Variants in NAV2 observed in about 807,000 individuals in gnomAD.
The protein encoded by NAV2 is helicase, APC down-regulated 1.
In NAV2, 54 loss-of-function variants were observed where a neutral mutation model predicts 223.2. That is an observed-to-expected ratio of 0.24 (90% CI 0.19 to 0.30). The LOEUF is 0.30. Among genes scored for constraint, NAV2 ranks in the 10% least tolerant of loss-of-function variants. NAV2 has a pLI of 1.00. For missense variants in NAV2, 2,806 were observed against 3,147.5 expected, an observed-to-expected ratio of 0.89 and a Z score of 2.60; for synonymous variants, 1,279 against 1,239.3, an observed-to-expected ratio of 1.03 and a Z score of -0.67.
chr11:19,520,052 C>A (rs1458929447), intron 1 of NAV2, among the ~76,000 whole-genome samples: 1 of 152,232 alleles, frequency 6.6e-6, no homozygotes, highest in African/African-American at 2.4e-5. Flanking sequence ...TTTAACTTTA[C>A]TCTTAGGGCC....
chr11:19,892,078 CT>C (rs758018272), intron 5 of NAV2, among the ~76,000 whole-genome samples: 3 of 152,212 alleles, frequency 2.0e-5, no homozygotes, highest in Non-Finnish European at 4.4e-5. Flanking sequence ...CCTGTCTCAG[CT>C]TCCCAATTAG....
At chr11:19,500,651 A>C (rs576552624) in intron 1 of NAV2, among the ~76,000 whole-genome samples, 1 of 152,312 alleles carries the variant, frequency 6.6e-6, no homozygotes, top group South Asian at 2.1e-4. Context: ...CTATCCCTTG[A>C]ACAGAGTATA....
intron 1 of NAV2, 153 bp downstream of exon 1, chr11:19,714,115 G>A (rs1414400859): frequency 2.5e-6 from 3 of 1,182,752 alleles, no homozygotes; most frequent in East Asian, 2.6e-5. Flanking sequence ...TGGGGGATGC[G>A]CGAGGAGAGT....
chr11:19,642,254 G>GTTCT, intron 1 of NAV2, among the ~76,000 whole-genome samples: 1 of 152,190 alleles, frequency 6.6e-6, no homozygotes, highest in African/African-American at 2.4e-5. Context: ...CCAGGGAGGA[G>GTTCT]GCCATTGTTC....
intron 36 of NAV2, among the ~76,000 whole-genome samples, chr11:20,109,248 G>A (rs781384926): frequency 1.3e-4 from 20 of 152,190 alleles, no homozygotes; most frequent in Admixed American, 2.6e-4. Context: ...TGGAGCATAC[G>A]CATTGCAAAT....
intron 3 of NAV2, among the ~76,000 whole-genome samples, chr11:19,865,062 T>C (rs1245211926): frequency 6.6e-6 from 1 of 152,226 alleles, no homozygotes; most frequent in Non-Finnish European, 1.5e-5. Flanking sequence ...ATACAGATTT[T>C]TTTCAGCTAA....
chr11:19,732,122 G>A (rs1005643575), intron 1 of NAV2, among the ~76,000 whole-genome samples: 13 of 152,030 alleles, frequency 8.6e-5, no homozygotes, highest in Non-Finnish European at 1.3e-4. Flanking sequence ...GCATGGTGGC[G>A]CGCACTTGTA....
At chr11:19,627,215 C>T (rs2135461067) in intron 1 of NAV2, among the ~76,000 whole-genome samples, 1 of 152,232 alleles carries the variant, frequency 6.6e-6, no homozygotes, top group Non-Finnish European at 1.5e-5. Flanking sequence ...TGGCGAAACC[C>T]CGTCTGTATT....
At chr11:19,418,239 T>C (rs1417282981) in intron 1 of NAV2, among the ~76,000 whole-genome samples, 1 of 152,210 alleles carries the variant, frequency 6.6e-6, no homozygotes, top group Non-Finnish European at 1.5e-5. Flanking sequence ...ATTGAGAGCC[T>C]CCTATTTGAC....
At chr11:19,668,897 T>A (rs1331460226) in intron 1 of NAV2, among the ~76,000 whole-genome samples, 1 of 152,192 alleles carries the variant, frequency 6.6e-6, no homozygotes, top group Non-Finnish European at 1.5e-5. Flanking sequence ...TCCTATTTCA[T>A]GCTTGTTGAG....
intron 1 of NAV2, among the ~76,000 whole-genome samples, chr11:19,639,898 C>A (rs919377854): frequency 6.6e-6 from 1 of 152,176 alleles, no homozygotes; most frequent in African/African-American, 2.4e-5. Context: ...ACATTCAGTT[C>A]TATCTAAGGC....
rs566373751 is a variant in NAV2, at chr11:19,605,593, C to G, written c.76-226891C>G. On this transcript the variant is annotated intron_variant, in intron 1 of 37. Coordinates refer to the NAV2 transcript ENST00000360655. ...TGCATAAGCTCTACTTAGCTGAGAC[C>G]TGTGCAAGGGAGCATGTGAGGATGG... 8.6e-5 allele frequency among the ~76,000 whole-genome samples: 13 copies of G among 151,664 alleles called. No homozygotes were observed. In the South Asian group the frequency reaches 1.7e-3, roughly 20 times the overall value.
intron 1 of NAV2, among the ~76,000 whole-genome samples, chr11:19,402,182 C>G (rs1377642230): frequency 1.3e-5 from 2 of 152,222 alleles, no homozygotes; most frequent in Non-Finnish European, 2.9e-5. Context: ...AGAAGGTGTT[C>G]TCTTAGCAAT....
chr11:19,609,877 T>G lies in NAV2; in HGVS notation c.76-222607T>G, dbSNP rs1398319737. 2.6e-5 allele frequency among the ~76,000 whole-genome samples: 4 copies of G among 152,354 alleles called. No individual in the cohort carries two copies. The East Asian group carries it at 7.7e-4, about 29-fold the overall frequency. On this transcript the variant is annotated intron_variant, in intron 1 of 37. Coordinates refer to the NAV2 transcript ENST00000360655. ...CAAGACTGGACCTCTGTTTAAGTCA[T>G]GCGTCACTGAAATCTACCAGTAATA...
chr11:19,933,188 G>C lies in NAV2; in HGVS notation c.944G>C (p.Ser315Thr). ...PSSHEKEPLA[S>T]SASSHPGMSD... is the part of the protein sequence containing the mutation. ...TCTGTCTCTGCAGAGCCTTTGGCAA[G>C]TTCAGCCTCCTCCCACCCCGGAATG... The change falls in exon 7 of 38, where the codon AGT (serine) becomes ACT (threonine). Residue 315 changes from serine (S) to threonine (T), a missense_variant. Transcript: ENST00000349880. This position sits in a 1 kb window ranked among gnomAD's most constrained non-coding sequence, Gnocchi z 4.3. The C allele has an allele frequency of 6.5e-7, 1 of 1,534,942 alleles. No homozygotes were observed. Among genetic ancestry groups the C allele is most frequent in the Non-Finnish European group, 8.8e-7 (1 of 1,139,306 alleles).
intron 1 of NAV2, among the ~76,000 whole-genome samples, chr11:19,670,272 G>A (rs2048542188): frequency 6.6e-6 from 1 of 152,140 alleles, no homozygotes; most frequent in African/African-American, 2.4e-5. Flanking sequence ...GATTCCCGGA[G>A]TCTGGGTTTG....
chr11:19,583,179 C>T (rs369856247), intron 1 of NAV2, among the ~76,000 whole-genome samples: 38 of 152,130 alleles, frequency 2.5e-4, no homozygotes, highest in Non-Finnish European at 4.9e-4. Flanking sequence ...CTCTCTGTTT[C>T]TCTGTTATTG....
chr11:19,528,340 A>G (rs1565018844), intron 1 of NAV2, among the ~76,000 whole-genome samples: 2 of 152,128 alleles, frequency 1.3e-5, no homozygotes, highest in African/African-American at 2.4e-5. Context: ...CATCCCCAGT[A>G]ATTTTTAGTG....
rs77141445 is a variant in NAV2, at chr11:19,777,913, C to G, written c.268-54571C>G. On this transcript the variant is annotated intron_variant, in intron 1 of 37. Coordinates refer to ENST00000349880, the MANE Select transcript of NAV2 (RefSeq NM_145117.5). ...CCCGAGCCCCCATTGTGTCTTGATACTTTGGGGTGCACATGGCTATTGATC... is the reference window on the plus strand; with the variant it reads ...CCCGAGCCCCCATTGTGTCTTGATAGTTTGGGGTGCACATGGCTATTGATC... 2,449 of 455,946 alleles carry G rather than the reference C, an allele frequency of 5.4e-3. 80 individuals are homozygous for G. The East Asian group carries it at 0.084, about 16-fold the overall frequency. 28.2% of individuals were successfully genotyped at this position (455,946 alleles called of 1,614,324 possible). A position where few individuals can be genotyped will look rare whatever the true frequency, so the allele number is the denominator to read the frequency against.
Sources: allele counts gnomAD v4.1 joint callset (sites outside exome capture counted in the v4.1 genomes callset), GRCh38; gene constraint gnomAD v4.1.1; non-coding constraint Gnocchi (gnomAD v3.1); transcripts MANE v1.5; gene names NCBI Gene and HGNC (gene_info 2026-07-23, HGNC 2026-07-21).